GNPNAT1: variants seen among roughly 807,000 people sequenced by gnomAD.
GNPNAT1 encodes the protein glucosamine-phosphate N-acetyltransferase 1.
In GNPNAT1, 11 loss-of-function variants were observed where a neutral mutation model predicts 19.8. The observed-to-expected ratio is 0.56, with a 90% CI of 0.35 to 0.92. GNPNAT1 has a LOEUF of 0.92. Among genes scored for constraint, GNPNAT1 ranks in the 40% least tolerant of loss-of-function variants. The pLI, the probability that GNPNAT1 is intolerant of heterozygous loss-of-function variation, is 0.01. For missense variants in GNPNAT1, 157 were observed against 211.0 expected, an observed-to-expected ratio of 0.74 and a Z score of 1.59; for synonymous variants, 71 against 72.3, an observed-to-expected ratio of 0.98 and a Z score of 0.09.
chr14:52,782,824 A>G (rs1882925004), intron 3 of GNPNAT1, among the ~76,000 whole-genome samples: 1 of 152,084 alleles, frequency 6.6e-6, no homozygotes, highest in Admixed American at 6.5e-5. Flanking sequence ...ATATTACTAA[A>G]TATTTAGTAA....
chr14:52,779,740 A>AC (rs1301255763), intron 5 of GNPNAT1, among the ~76,000 whole-genome samples: 1 of 150,810 alleles, frequency 6.6e-6, no homozygotes, highest in Non-Finnish European at 1.5e-5. Flanking sequence ...AAAAAAAAAA[A>AC]AAAAAAAAAA....
intron 1 of GNPNAT1, 73 bp from the exon 2 acceptor site, chr14:52,784,737 A>G (rs1882972677): frequency 1.6e-6 from 1 of 633,286 alleles, no homozygotes; most frequent in East Asian, 3.1e-5. Context: ...GAAAGTTAAT[A>G]TAAATTAATG....
chr14:52,784,745 A>C lies in GNPNAT1; in HGVS notation c.-14-81T>G. The C allele has an allele frequency of 6.8e-6, 4 of 589,640 alleles. No individual in the cohort carries two copies. In the South Asian group the frequency reaches 9.2e-5, roughly 14 times the overall value. 36.5% of individuals were successfully genotyped at this position (589,640 alleles called of 1,614,324 possible). ...TTGTTGAGAAAGTTAATATAAATTAATGCAATTAGAAGCATTCTTTAGCAC... is the reference window on the plus strand; with the variant it reads ...TTGTTGAGAAAGTTAATATAAATTACTGCAATTAGAAGCATTCTTTAGCAC... On this transcript the variant is annotated intron_variant, in intron 1 of 5. Coordinates refer to ENST00000216410, the MANE Select transcript of GNPNAT1 (RefSeq NM_198066.4).
chr14:52,785,018 T>C (rs1349342930), intron 1 of GNPNAT1, among the ~76,000 whole-genome samples: 2 of 150,738 alleles, frequency 1.3e-5, no homozygotes. Context: ...CTCTGCCTTC[T>C]GGGTTCAAGT....
chr14:52,789,881 G>T, intron 1 of GNPNAT1, among the ~76,000 whole-genome samples: 1 of 150,994 alleles, frequency 6.6e-6, no homozygotes, highest in East Asian at 1.9e-4. Flanking sequence ...AAATTAGCAG[G>T]CGTTTAGAAG....
chr14:52,781,816 T>C lies in GNPNAT1; in HGVS notation c.313A>G (p.Ile105Val). 1 of 1,606,168 alleles carries C rather than the reference T, an allele frequency of 6.2e-7. No individual in the cohort carries two copies. Among genetic ancestry groups the C allele is most frequent in the East Asian group, 2.3e-5 (1 of 44,426 alleles). Residue 105 changes from isoleucine (I) to valine (V), a missense_variant, in exon 4 of 6, where the codon ATA becomes GTA. Coordinates refer to ENST00000216410, the MANE Select transcript of GNPNAT1 (RefSeq NM_198066.4). ...CAGGAATGGATGAATTTATGTTCTA[T>C]AATCAGAGTTGCCGTAGCAACAATC... Reference protein sequence around the residue: ...GQIVATATLIIEHKFIHSCAK... With the variant: ...GQIVATATLIVEHKFIHSCAK...
At chr14:52,780,902 G>C (rs541139199) in intron 4 of GNPNAT1, among the ~76,000 whole-genome samples, 162 bp from the exon 5 acceptor site, 1 of 152,234 alleles carries the variant, frequency 6.6e-6, no homozygotes, top group South Asian at 2.1e-4. Context: ...GTTTCAGTAT[G>C]TATTTCTACA....
intron 5 of GNPNAT1, among the ~76,000 whole-genome samples, chr14:52,779,631 G>C (rs1882832903): frequency 7.0e-6 from 1 of 142,872 alleles, no homozygotes; most frequent in Admixed American, 7.4e-5. Context: ...GAGGCGAGAG[G>C]CTCACTTGAG....
chr14:52,783,449 C>G lies in GNPNAT1; in HGVS notation c.191G>C (p.Gly64Ala), dbSNP rs745615014. Residue 64 changes from glycine to alanine, a missense_variant, in exon 3 of 6, where the codon GGA becomes GCA. By Grantham distance (60) the Gly-to-Ala change is moderately conservative. Coordinates refer to ENST00000216410, the MANE Select transcript of GNPNAT1 (RefSeq NM_198066.4). ...CATAAATTGTTCAGGGCTGACAACT[C>G]CAGTCTCTGTTAGCTGACCCAATAC... is the stretch of plus-strand genomic sequence containing the variant. ...FKVLGQLTET[G>A]VVSPEQFMKS... 2.4e-5 allele frequency: 38 copies of G among 1,610,734 alleles called. No homozygotes were observed. Among genetic ancestry groups the G allele is most frequent in the Non-Finnish European group, 3.2e-5 (38 of 1,177,466 alleles).
intron 4 of GNPNAT1, among the ~76,000 whole-genome samples, chr14:52,781,070 G>A (rs1034489790): frequency 2.6e-5 from 4 of 152,046 alleles, no homozygotes; most frequent in African/African-American, 9.7e-5. Context: ...ATTTAAAGAT[G>A]TTTTTACTTA....
At chr14:52,779,559 CTCTATAAAAA>C (rs1346499109) in intron 5 of GNPNAT1, among the ~76,000 whole-genome samples, 4 of 151,380 alleles carry the variant, frequency 2.6e-5, no homozygotes, top group Non-Finnish European at 4.4e-5. Flanking sequence ...AAAACCCTAT[CTCTATAAAAA>C]ATTAGCTGGG....
intron 5 of GNPNAT1, among the ~76,000 whole-genome samples, chr14:52,778,738 C>T (rs1164750951): frequency 6.6e-6 from 1 of 152,068 alleles, no homozygotes; most frequent in African/African-American, 2.4e-5. Flanking sequence ...AAATTTAAGG[C>T]TAGGTGCAGT....
chr14:52,780,088 C>T (rs532657155), intron 5 of GNPNAT1, among the ~76,000 whole-genome samples: 2 of 152,130 alleles, frequency 1.3e-5, no homozygotes, highest in Non-Finnish European at 2.9e-5. Context: ...TTGCTTGAGC[C>T]CAGGAGGCTG....
chr14:52,787,638 C>T (rs373448589), intron 1 of GNPNAT1, among the ~76,000 whole-genome samples: 20 of 152,122 alleles, frequency 1.3e-4, no homozygotes, highest in East Asian at 3.9e-4. Context: ...ATATGTACTA[C>T]GGTAATTAAG....
At chr14:52,784,457 GA>G in intron 2 of GNPNAT1, 39 bp downstream of exon 2, 1 of 1,447,028 alleles carries the variant, frequency 6.9e-7, no homozygotes, top group Non-Finnish European at 9.2e-7. Flanking sequence ...GAGAAAAATG[GA>G]AGGCTAACTC....
At chr14:52,783,929 T>C (rs1882951950) in intron 2 of GNPNAT1, among the ~76,000 whole-genome samples, 1 of 152,184 alleles carries the variant, frequency 6.6e-6, no homozygotes, top group South Asian at 2.1e-4. Flanking sequence ...CTAGTGAATT[T>C]CATTAGTGTT....
At chr14:52,788,754 AGTT>A (rs1566690228) in intron 1 of GNPNAT1, among the ~76,000 whole-genome samples, 1 of 152,196 alleles carries the variant, frequency 6.6e-6, no homozygotes, top group Non-Finnish European at 1.5e-5. Flanking sequence ...TTTCCTATAA[AGTT>A]GTCTGTGTTT....
At chr14:52,779,379 GGT>G (rs1431578048) in intron 5 of GNPNAT1, among the ~76,000 whole-genome samples, 2 of 151,780 alleles carry the variant, frequency 1.3e-5, no homozygotes, top group Non-Finnish European at 2.9e-5. Context: ...AAACTTGAAG[GGT>G]CTGCCCATGT....
At chr14:52,786,926 T>A (rs561595650) in intron 1 of GNPNAT1, among the ~76,000 whole-genome samples, 7 of 146,012 alleles carry the variant, frequency 4.8e-5, no homozygotes, top group Admixed American at 3.4e-4. Flanking sequence ...TAATGAGATA[T>A]CTTGGGGATG....
Sources: gnomAD v4.1 joint callset for allele counts (sites outside exome capture counted in the v4.1 genomes callset) on GRCh38, gnomAD v4.1.1 for gene constraint, MANE v1.5 for transcripts, NCBI Gene and HGNC (gene_info 2026-07-23, HGNC 2026-07-21) for gene names.